Variants in ZNF714 observed in about 807,000 individuals in gnomAD.
ZNF714 encodes the protein zinc finger protein 714.
A neutral mutation model predicts 46.2 loss-of-function variants in ZNF714; 32 were observed. The ratio of observed to expected loss-of-function variants is 0.69; its 90% CI spans 0.52 to 0.93. The LOEUF is 0.93. Among genes scored for constraint, ZNF714 ranks in the 40% least tolerant of loss-of-function variants. The pLI is 0.00. For synonymous variants in ZNF714, 199 were observed against 213.1 expected (o/e 0.93, Z 0.58); for missense variants, 635 against 646.3 (o/e 0.98, Z 0.19).
At chr19:21,092,912 T>TTTC (rs1474367908) in intron 2 of ZNF714, among the ~76,000 whole-genome samples, 1 of 142,406 alleles carries the variant, frequency 7.0e-6, no homozygotes, top group East Asian at 2.0e-4. Flanking sequence ...TAAACTTTTT[T>TTTC]TTTTTTTTTT....
At chr19:21,090,620 TC>T (rs1482241002) in intron 2 of ZNF714, among the ~76,000 whole-genome samples, 1 of 152,062 alleles carries the variant, frequency 6.6e-6, no homozygotes, top group African/African-American at 2.4e-5. Flanking sequence ...CAGAGTACAG[TC>T]CCTTTGTGGT....
Position 21,118,090 on chromosome 19 carries a change from A to G in ZNF714, c.1426A>G (p.Thr476Ala). The change falls in exon 5 of 5, where the codon ACT (threonine) becomes GCT (alanine). Residue 476 changes from threonine to alanine, a missense_variant. Coordinates refer to ENST00000456283, the MANE Select transcript of ZNF714 (RefSeq NM_182515.4). ...SNLTKHNIIH[T>A]GEKSYKCEEC... is the part of the protein sequence containing the mutation. ...CCTTACTAAACATAACATAATTCAT[A>G]CTGGAGAGAAATCTTACAAATGTGA... 3 of 1,613,934 alleles carry G rather than the reference A, an allele frequency of 1.9e-6. No homozygotes were observed. Among genetic ancestry groups the G allele is most frequent in the Non-Finnish European group, 2.5e-6 (3 of 1,179,880 alleles).
chr19:21,091,457 T>C (rs1311837939), intron 2 of ZNF714: 1 of 152,214 alleles, frequency 6.6e-6, no homozygotes, highest in Non-Finnish European at 1.5e-5. Flanking sequence ...GTCTCAGCCT[T>C]ATTTTTACTC....
intron 4 of ZNF714, among the ~76,000 whole-genome samples, chr19:21,112,603 C>G (rs1969472167): frequency 6.8e-6 from 1 of 147,028 alleles, no homozygotes; most frequent in Admixed American, 6.8e-5. Context: ...CTGGTTATTT[C>G]TTGTCTTCTG....
In ZNF714 at chr19:21,124,445, A is replaced by T. The variant is rs142920024; in HGVS notation, c.*6113A>T. On this transcript the variant is annotated 3_prime_UTR_variant, in exon 5 of 5. Transcript: ENST00000456283. ...TATTTTCATACTATTTAGCCAAAGT[A>T]ATCACAAAGACACAGTATTTGACAC... Among the ~76,000 whole-genome samples the T allele has an allele frequency of 3.3e-3, 506 of 152,340 alleles. 4 individuals carry two copies. The highest frequency in any genetic ancestry group is 0.011 in the African/African-American group (445 of 41,592).
In ZNF714 at chr19:21,123,448, G is replaced by A. The variant is rs10413226; in HGVS notation, c.*5116G>A. Among the ~76,000 whole-genome samples, 103,834 of 151,868 alleles carry A rather than the reference G, an allele frequency of 0.68. 39,790 individuals are homozygous for A. The highest frequency in any genetic ancestry group is 0.87 in the East Asian group (4,475 of 5,140). ...TGGCTCACTGCAAGCTCCGCCTTCC[G>A]GGTTCACGCCATTCTCCCGCCTCAG... On this transcript the variant is annotated 3_prime_UTR_variant, in exon 5 of 5. Coordinates refer to ENST00000456283, the MANE Select transcript of ZNF714 (RefSeq NM_182515.4).
intron 4 of ZNF714, among the ~76,000 whole-genome samples, chr19:21,111,525 G>A (rs1025946340): frequency 2.6e-4 from 39 of 151,956 alleles, no homozygotes; most frequent in African/African-American, 9.2e-4. Context: ...CATGTCGTCT[G>A]CAAGCTTCTG....
rs1568279450 is a variant in ZNF714 at position 21,107,513 on chromosome 19, G to GGGCCCTCC, written c.142+8603_142+8604insGGCCCTCC. Among the ~76,000 whole-genome samples, 107 of 150,810 alleles carry GGGCCCTCC rather than the reference G, an allele frequency of 7.1e-4. 2 individuals carry two copies. The highest frequency in any genetic ancestry group is 3.4e-3 in the Middle Eastern group (1 of 294). The stretch of plus-strand genomic sequence containing the variant: ...CTTGGCCTCCCAAAATGCTGGGATT[G>GGGCCCTCC]CAGGTGTAAGCCACCACACCCAGCC... On this transcript the variant is annotated intron_variant, in intron 4 of 4. Coordinates refer to ENST00000456283, the MANE Select transcript of ZNF714 (RefSeq NM_182515.4).
intron 2 of ZNF714, among the ~76,000 whole-genome samples, chr19:21,086,881 A>G (rs934599717): frequency 6.6e-6 from 1 of 152,206 alleles, no homozygotes; most frequent in African/African-American, 2.4e-5. Flanking sequence ...CATGCTGAAC[A>G]GGGGTGATGA....
rs1193450310 is a variant in ZNF714 at position 21,124,234 on chromosome 19, C to T, written c.*5902C>T. The stretch of plus-strand genomic sequence containing the variant: ...AATACATATTTTTGATACTATTTAG[C>T]CAAGATTACCACAAAGATACAGTAT... On this transcript the variant is annotated 3_prime_UTR_variant, in exon 5 of 5. Coordinates refer to ENST00000456283, the MANE Select transcript of ZNF714 (RefSeq NM_182515.4). The T allele has an allele frequency of 6.6e-6, 1 of 152,084 alleles. No homozygotes were observed. 9.4% of individuals were successfully genotyped at this position (152,084 alleles called of 1,614,324 possible).
rs115013501 is a variant in ZNF714 at position 21,124,239 on chromosome 19, A to G, written c.*5907A>G. 447 of 152,330 alleles carry G rather than the reference A, an allele frequency of 2.9e-3. No individual in the cohort carries two copies. Among genetic ancestry groups the G allele is most frequent in the African/African-American group, 0.01 (417 of 41,576 alleles). The allele number at this position is 152,330 out of a possible 1,614,324, so 9.4% of individuals were successfully genotyped here. A position where few individuals can be genotyped will look rare whatever the true frequency, so the allele number is the denominator to read the frequency against. ...ATATTTTTGATACTATTTAGCCAAG[A>G]TTACCACAAAGATACAGTATTTGAC... is the stretch of plus-strand genomic sequence containing the variant. On this transcript the variant is annotated 3_prime_UTR_variant, in exon 5 of 5. Coordinates refer to ENST00000456283, the MANE Select transcript of ZNF714 (RefSeq NM_182515.4).
At chr19:21,093,055 G>C (rs1439316868) in intron 2 of ZNF714, among the ~76,000 whole-genome samples, 2 of 146,220 alleles carry the variant, frequency 1.4e-5, no homozygotes, top group Admixed American at 6.8e-5. Flanking sequence ...GACTACAGGT[G>C]TCTGCCACCA....
chr19:21,117,176 A>G lies in ZNF714; in HGVS notation c.512A>G (p.Asn171Ser), dbSNP rs1242635985. 1 of 1,613,974 alleles carries G rather than the reference A, an allele frequency of 6.2e-7. No homozygotes were observed. The highest frequency in any genetic ancestry group is 8.5e-7 in the Non-Finnish European group (1 of 1,179,960). The change falls in exon 5 of 5, where the codon AAT becomes AGT. Residue 171 changes from asparagine to serine, a missense_variant. Physicochemically the swap from Asn to Ser is conservative, Grantham distance 46. Coordinates refer to ENST00000456283, the MANE Select transcript of ZNF714 (RefSeq NM_182515.4). ...CATAAAAGAATTCATATTAGAGAGAATTCTTACCAATGTGAAGAATGTGAC... is the reference window on the plus strand; with the variant it reads ...CATAAAAGAATTCATATTAGAGAGAGTTCTTACCAATGTGAAGAATGTGAC... ...HQHKRIHIRE[N>S]SYQCEECDKV...
At chr19:21,103,191 G>C (rs549525194) in intron 4 of ZNF714, among the ~76,000 whole-genome samples, 1 of 151,532 alleles carries the variant, frequency 6.6e-6, no homozygotes, top group African/African-American at 2.4e-5. Context: ...TGATTTGAAG[G>C]TAATTTTTGA....
intron 1 of ZNF714, among the ~76,000 whole-genome samples, chr19:21,082,885 A>G (rs1159413685): frequency 1.3e-5 from 2 of 152,152 alleles, no homozygotes. Flanking sequence ...CAAATTCAGT[A>G]ATTGGTTAGG....
chr19:21,087,091 C>T (rs1968798269), intron 2 of ZNF714, among the ~76,000 whole-genome samples: 1 of 151,984 alleles, frequency 6.6e-6, no homozygotes, highest in Non-Finnish European at 1.5e-5. Context: ...TCTAATGTCA[C>T]AATTTCTAAA....
intron 1 of ZNF714, 48 bp from the exon 2 acceptor site, chr19:21,083,930 G>A: frequency 9.5e-7 from 1 of 1,057,004 alleles, no homozygotes. Flanking sequence ...GGTTATGTCA[G>A]CTAAAGTGCC....
intron 4 of ZNF714, among the ~76,000 whole-genome samples, chr19:21,101,842 C>T (rs1969188506): frequency 6.6e-6 from 1 of 152,152 alleles, no homozygotes; most frequent in Non-Finnish European, 1.5e-5. Context: ...TGGTCTGTAG[C>T]CAAAACCAGG....
chr19:21,092,695 AAC>A (rs1968939616), intron 2 of ZNF714, among the ~76,000 whole-genome samples: 1 of 152,122 alleles, frequency 6.6e-6, no homozygotes. Context: ...TACTAAGCAT[AAC>A]ACCAAACAGG....
Sources: allele counts gnomAD v4.1 joint callset (sites outside exome capture counted in the v4.1 genomes callset), GRCh38; gene constraint gnomAD v4.1.1; transcripts MANE v1.5; gene names NCBI Gene and HGNC (gene_info 2026-07-23, HGNC 2026-07-21).